FNIP2: variants seen among roughly 807,000 people sequenced by gnomAD.
FNIP2 encodes the protein folliculin interacting protein 2.
A neutral mutation model predicts 108.7 loss-of-function variants in FNIP2; 32 were observed. The observed-to-expected ratio is 0.29, with a 90% CI of 0.22 to 0.40. FNIP2 has a LOEUF of 0.40. Ranked by LOEUF, FNIP2 falls within the 10% of genes least tolerant of loss-of-function variation. FNIP2 has a pLI of 1.00. For missense variants in FNIP2, 1,202 were observed against 1,381.6 expected, an observed-to-expected ratio of 0.87 and a Z score of 2.06; for synonymous variants, 480 against 496.7, an observed-to-expected ratio of 0.97 and a Z score of 0.45.
At position 158,868,796 on chromosome 4, in the gene FNIP2, G is replaced by C. The variant is rs147166611; in HGVS notation, c.2160G>C (p.Gln720His). ...EKPSLEKVTF[Q>H]IGSFASPESD... The stretch of plus-strand genomic sequence containing the variant: ...CTTCCTTAGAAAAGGTCACTTTCCA[G>C]ATTGGAAGCTTTGCATCTCCAGAGT... The change falls in exon 13 of 17, where the codon CAG becomes CAC. Residue 720 changes from glutamine (Q) to histidine (H), a missense_variant. By Grantham distance (24) the Gln-to-His change is conservative. Coordinates refer to ENST00000264433, the MANE Select transcript of FNIP2 (RefSeq NM_020840.3). This position sits in a 1 kb window ranked among gnomAD's most constrained non-coding sequence, Gnocchi z 4.6. 4.4e-5 allele frequency: 71 copies of C among 1,613,778 alleles called. No individual in the cohort carries two copies. In the South Asian group the frequency reaches 5.4e-4, roughly 12 times the overall value.
At chr4:158,841,599 C>T (rs1779136789) in intron 7 of FNIP2, among the ~76,000 whole-genome samples, 1 of 152,194 alleles carries the variant, frequency 6.6e-6, no homozygotes, top group Admixed American at 6.5e-5. Context: ...ATTGACCTTG[C>T]ACAATTCCAT....
At chr4:158,795,011 A>G (rs548763962) in intron 1 of FNIP2, among the ~76,000 whole-genome samples, 3 of 152,350 alleles carry the variant, frequency 2.0e-5, no homozygotes, top group African/African-American at 7.2e-5. Flanking sequence ...TTCCTCTATC[A>G]TAAATAAAAT....
At chr4:158,895,687 C>T in intron 15 of FNIP2, 63 bp from the exon 16 acceptor site, 1 of 1,001,510 alleles carries the variant, frequency 1.0e-6, no homozygotes, top group Non-Finnish European at 1.5e-6. Context: ...AAAATTCTGA[C>T]TCTTAAAATA....
intron 7 of FNIP2, among the ~76,000 whole-genome samples, chr4:158,843,041 C>T (rs1489933458): frequency 6.6e-6 from 1 of 152,024 alleles, no homozygotes; most frequent in African/African-American, 2.4e-5. Context: ...TGCTAAACTT[C>T]GAGGAACCTT....
At chr4:158,824,499 T>A (rs1778048294) in intron 1 of FNIP2, among the ~76,000 whole-genome samples, 1 of 152,060 alleles carries the variant, frequency 6.6e-6, no homozygotes, top group South Asian at 2.1e-4. Flanking sequence ...CTCAACTCTG[T>A]CCTCTGAGCA....
chr4:158,802,721 C>T (rs1326719143), intron 1 of FNIP2, among the ~76,000 whole-genome samples: 2 of 152,152 alleles, frequency 1.3e-5, no homozygotes, highest in African/African-American at 4.8e-5. Context: ...GAGGTGGGTC[C>T]TGGCAGCACT....
chr4:158,857,324 C>T (rs768907910), intron 8 of FNIP2, among the ~76,000 whole-genome samples: 3 of 152,200 alleles, frequency 2.0e-5, no homozygotes, highest in Non-Finnish European at 4.4e-5. Context: ...GAACAGAAAT[C>T]AACTACTGTA....
At chr4:158,897,747 C>T (rs1187492594) in intron 16 of FNIP2, among the ~76,000 whole-genome samples, 1 of 152,048 alleles carries the variant, frequency 6.6e-6, no homozygotes, top group Non-Finnish European at 1.5e-5. Flanking sequence ...AGCCCTTTAT[C>T]AGATGGGAAG....
At chr4:158,806,095 C>T in intron 1 of FNIP2, 3 of 1,054,612 alleles carry the variant, frequency 2.8e-6, no homozygotes, top group Non-Finnish European at 3.5e-6. Context: ...TGTCAAGTAG[C>T]TTTTCTCACA....
chr4:158,831,793 C>A, intron 3 of FNIP2, 68 bp from the exon 4 acceptor site: 1 of 988,782 alleles, frequency 1.0e-6, no homozygotes, highest in Non-Finnish European at 1.6e-6. Flanking sequence ...GATTAATAAA[C>A]ATTATTTTCT....
In FNIP2 at chr4:158,879,293, G is replaced by A. The variant is rs552516681; in HGVS notation, c.2949+8824G>A. 1.1e-4 allele frequency among the ~76,000 whole-genome samples: 17 copies of A among 150,566 alleles called. 2 individuals carry two copies. The highest frequency in any genetic ancestry group is 1.8e-4 in the Non-Finnish European group (12 of 67,810). ...TGGCATCTGTCCTCAGGGAGTTTGC[G>A]ATCTAACAGGAAATAGAAATAAGTC... On this transcript the variant is annotated intron_variant, in intron 14 of 16. Transcript: ENST00000264433.
intron 15 of FNIP2, chr4:158,893,495 C>A (rs1782419773): frequency 1.9e-6 from 1 of 524,942 alleles, no homozygotes; most frequent in Non-Finnish European, 3.5e-6. Flanking sequence ...CAATTAGTTT[C>A]ATGAAACAAT....
chr4:158,867,463 A>G (rs903141178), intron 12 of FNIP2, among the ~76,000 whole-genome samples: 2 of 152,234 alleles, frequency 1.3e-5, no homozygotes, highest in Admixed American at 6.5e-5. Flanking sequence ...AAGTGCTGAT[A>G]TTACAGGCAT....
At chr4:158,883,069 C>CA (rs904859332) in intron 14 of FNIP2, among the ~76,000 whole-genome samples, 9 of 149,136 alleles carry the variant, frequency 6.0e-5, no homozygotes, top group South Asian at 2.1e-4. Context: ...AGCTATCACC[C>CA]AAAAAAAATA....
At chr4:158,888,740 T>G (rs1340613454) in intron 14 of FNIP2, among the ~76,000 whole-genome samples, 3 of 151,252 alleles carry the variant, frequency 2.0e-5, no homozygotes, top group African/African-American at 7.3e-5. Context: ...AGTACAAAAA[T>G]TAGGTGGGTG....
rs533244795 is a variant in FNIP2 at position 158,870,272 on chromosome 4, A to G, written c.2793-41A>G. On this transcript the variant is annotated intron_variant, in intron 13 of 16. Transcript: ENST00000264433. ...CAATTATAATGAAAGAAAAAAGTAC[A>G]TTTTTAGCTGTGCATTTTAATGGGC... The G allele has an allele frequency of 2.5e-6, 4 of 1,594,756 alleles. No homozygotes were observed. In the African/African-American group the frequency reaches 5.4e-5, roughly 21 times the overall value.
intron 1 of FNIP2, among the ~76,000 whole-genome samples, chr4:158,801,121 A>T (rs1776747281): frequency 6.6e-6 from 1 of 152,144 alleles, no homozygotes; most frequent in Non-Finnish European, 1.5e-5. Context: ...ATTAAAAAAA[A>T]AATCACTCTG....
chr4:158,859,351 C>T (rs1780158652), intron 9 of FNIP2, 93 bp downstream of exon 9: 1 of 1,368,616 alleles, frequency 7.3e-7, no homozygotes, highest in African/African-American at 1.5e-5. Context: ...GATGTCTTTC[C>T]TAAGGAAGTT....
At chr4:158,846,691 A>G (rs1201266672) in intron 7 of FNIP2, among the ~76,000 whole-genome samples, 2 of 152,220 alleles carry the variant, frequency 1.3e-5, no homozygotes, top group Non-Finnish European at 2.9e-5. Flanking sequence ...ACAAGAGAAA[A>G]GCGTAACAAA....
Sources: gnomAD v4.1 joint callset for allele counts (sites outside exome capture counted in the v4.1 genomes callset) on GRCh38, gnomAD v4.1.1 for gene constraint, Gnocchi (gnomAD v3.1) non-coding constraint, MANE v1.5 for transcripts, NCBI Gene and HGNC (gene_info 2026-07-23, HGNC 2026-07-21) for gene names.